The following DPY19L1 variants were observed in gnomAD, a reference collection of about 807,000 sequenced individuals.
The protein encoded by DPY19L1 is dpy-19 like C-mannosyltransferase 1, also known as protein C-mannosyl-transferase DPY19L1.
Under a neutral mutation model 96.9 loss-of-function variants are expected in DPY19L1, and 35 were observed. The observed-to-expected ratio is 0.36, with a 90% CI of 0.28 to 0.48. DPY19L1 has a LOEUF of 0.48. DPY19L1 is among the 20% of genes least tolerant of loss of function. The probability of loss-of-function intolerance (pLI) is 0.99; values close to 1 mark genes in which losing one functional copy is unlikely to be tolerated. For missense variants in DPY19L1, 521 were observed against 777.9 expected, an observed-to-expected ratio of 0.67 and a Z score of 3.93; for synonymous variants, 205 against 252.6, an observed-to-expected ratio of 0.81 and a Z score of 1.79.
chr7:35,035,697 C>G (rs1584268750), intron 1 of DPY19L1, among the ~76,000 whole-genome samples: 1 of 152,294 alleles, frequency 6.6e-6, no homozygotes, highest in East Asian at 1.9e-4. Context: ...CTTAACAGAT[C>G]CTGTGGATCC....
intron 7 of DPY19L1, among the ~76,000 whole-genome samples, chr7:34,988,471 T>G (rs1016226943): frequency 3.3e-5 from 5 of 151,974 alleles, no homozygotes; most frequent in Non-Finnish European, 7.4e-5. Context: ...AATTAACTGA[T>G]GTCATGTTGC....
chr7:35,018,072 T>C, intron 2 of DPY19L1, 103 bp from the exon 3 acceptor site: 3 of 721,974 alleles, frequency 4.2e-6, no homozygotes, highest in Non-Finnish European at 6.4e-6. Flanking sequence ...AACTTGCAGA[T>C]AATTTTGTAA....
intron 1 of DPY19L1, among the ~76,000 whole-genome samples, chr7:35,024,375 A>G (rs1254268357): frequency 6.6e-6 from 1 of 152,152 alleles, no homozygotes; most frequent in Non-Finnish European, 1.5e-5. Context: ...ATCCCTTCCT[A>G]ACATTACTAG....
At chr7:34,975,674 T>C (rs1029105912) in intron 7 of DPY19L1, among the ~76,000 whole-genome samples, 1 of 152,232 alleles carries the variant, frequency 6.6e-6, no homozygotes, top group Non-Finnish European at 1.5e-5. Flanking sequence ...AGTCAGTGGC[T>C]GGCTTCAAAA....
rs1783938512 is a variant in DPY19L1 at position 34,939,181 on chromosome 7, C to G, written c.1964+95G>C. ...TCGATAAGCCTCAGTTCATCATATCCTTTTGAAACATTCCTTATTACTTTG... is the reference window on the plus strand; with the variant it reads ...TCGATAAGCCTCAGTTCATCATATCGTTTTGAAACATTCCTTATTACTTTG... On this transcript the variant is annotated intron_variant, in intron 20 of 21. Coordinates refer to ENST00000638088, the MANE Select transcript of DPY19L1 (RefSeq NM_001366673.1). 4.5e-6 allele frequency: 5 copies of G among 1,108,956 alleles called. No homozygotes were observed. The Admixed American group carries it at 1.1e-4, about 25-fold the overall frequency. The allele number at this position is 1,108,956 out of a possible 1,614,324, so 68.7% of individuals were successfully genotyped here. A position where few individuals can be genotyped will look rare whatever the true frequency, so the allele number is the denominator to read the frequency against.
intron 7 of DPY19L1, among the ~76,000 whole-genome samples, chr7:34,984,119 G>C (rs946505761): frequency 7.9e-5 from 12 of 152,126 alleles, no homozygotes; most frequent in African/African-American, 2.9e-4. Context: ...AAAAATGAAG[G>C]CAAGATAACA....
rs574828047 is a variant in DPY19L1 at position 35,019,589 on chromosome 7, G to A, written c.299-993C>T. Among the ~76,000 whole-genome samples, 4 of 151,934 alleles carry A rather than the reference G, an allele frequency of 2.6e-5. No individual in the cohort carries two copies. The East Asian group carries it at 5.8e-4, about 22-fold the overall frequency. ...AGGAGAAGGAAGAGGAAAGAAGGAA[G>A]AAGAGAGGAGGAAGGAAGAATAAGG... On this transcript the variant is annotated intron_variant, in intron 1 of 21. Transcript: ENST00000638088.
Position 34,954,775 on chromosome 7 carries a change from T to C in DPY19L1, c.1243A>G (p.Ile415Val). The change falls in exon 13 of 22, where the codon ATT (isoleucine) becomes GTT (valine). Residue 415 changes from isoleucine to valine, a missense_variant. Transcript: ENST00000638088. Reference protein sequence around the residue: ...INVSELSLWVIQGCFWLFGTV... With the variant: ...INVSELSLWVVQGCFWLFGTV... ...CCAAATAACCAAAAACATCCTTGAA[T>C]AACCTAAACAAAAGAAAACAAAAAT... The C allele has an allele frequency of 4.5e-6, 7 of 1,540,256 alleles. No homozygotes were observed. The highest frequency in any genetic ancestry group is 6.2e-6 in the Non-Finnish European group (7 of 1,128,760).
At chr7:34,989,815 A>G in intron 7 of DPY19L1, 69 bp downstream of exon 7, 2 of 1,265,108 alleles carry the variant, frequency 1.6e-6, no homozygotes, top group Non-Finnish European at 2.2e-6. Flanking sequence ...GAATGCCATT[A>G]TAGATTAAAT....
intron 13 of DPY19L1, among the ~76,000 whole-genome samples, chr7:34,952,548 T>C (rs932612725): frequency 5.3e-5 from 8 of 152,092 alleles, no homozygotes; most frequent in East Asian, 3.8e-4. Context: ...GGAGATGACA[T>C]TACCCTGAAA....
intron 14 of DPY19L1, among the ~76,000 whole-genome samples, chr7:34,949,187 C>T (rs1192348184): frequency 6.6e-6 from 1 of 152,080 alleles, no homozygotes; most frequent in African/African-American, 2.4e-5. Flanking sequence ...TAAATATTTA[C>T]TTATTTAAAA....
At chr7:34,944,365 C>CAAAAA (rs60937482) in intron 16 of DPY19L1, among the ~76,000 whole-genome samples, 4 of 82,312 alleles carry the variant, frequency 4.9e-5, no homozygotes, top group East Asian at 3.5e-4. Context: ...GGCTCTGTCT[C>CAAAAA]AAAAAAAAAA....
intron 10 of DPY19L1, among the ~76,000 whole-genome samples, chr7:34,961,124 C>T (rs1281766235): frequency 6.6e-6 from 1 of 152,060 alleles, no homozygotes; most frequent in Non-Finnish European, 1.5e-5. Context: ...AATAATGAGC[C>T]TAGCAAGTTA....
chr7:35,023,896 C>G (rs1434851142), intron 1 of DPY19L1, among the ~76,000 whole-genome samples: 1 of 133,314 alleles, frequency 7.5e-6, no homozygotes, highest in Non-Finnish European at 1.5e-5. Context: ...AGTACAGTGG[C>G]TTGATCTCGG....
Position 34,945,701 on chromosome 7 carries a change from A to G in DPY19L1, c.1510T>C (p.Trp504Arg), listed in dbSNP as rs2128783105. The G allele has an allele frequency of 6.2e-7, 1 of 1,601,884 alleles. No homozygotes were observed. The highest frequency in any genetic ancestry group is 2.2e-5 in the East Asian group (1 of 44,636). The change falls in exon 16 of 22, where the codon TGG becomes CGG. Residue 504 changes from tryptophan to arginine, a missense_variant. By Grantham distance (101) the Trp-to-Arg change is moderately radical (BLOSUM62 -3). Coordinates refer to ENST00000638088, the MANE Select transcript of DPY19L1 (RefSeq NM_001366673.1). ...AIVRKIISDMWGVLAKQQTHV... is the reference protein window; with the variant it reads ...AIVRKIISDMRGVLAKQQTHV... ...GTCTGTTGTTTAGCTAAGACACCCC[A>G]CATATCACTAATAATCTGTAAATAG... is the stretch of plus-strand genomic sequence containing the variant.
upstream of DPY19L1, chr7:35,037,818 C>T (rs1326170648): frequency 1.6e-6 from 2 of 1,227,432 alleles, no homozygotes; most frequent in East Asian, 3.2e-5. Flanking sequence ...CTACCCACAC[C>T]TCTTCGGCGC....
intron 1 of DPY19L1, among the ~76,000 whole-genome samples, chr7:35,019,853 T>A (rs1031460883): frequency 5.3e-5 from 8 of 152,214 alleles, no homozygotes. Flanking sequence ...ACCATTTGCT[T>A]CCTTTTAGTT....
chr7:34,945,370 C>T (rs1044718438), intron 16 of DPY19L1, among the ~76,000 whole-genome samples: 2 of 152,162 alleles, frequency 1.3e-5, no homozygotes, highest in Non-Finnish European at 2.9e-5. Flanking sequence ...AAACCACTCA[C>T]GTAATAATTT....
intron 1 of DPY19L1, among the ~76,000 whole-genome samples, chr7:35,035,283 A>G (rs1467300559): frequency 6.6e-6 from 1 of 152,206 alleles, no homozygotes; most frequent in Non-Finnish European, 1.5e-5. Context: ...TTCAATGCTC[A>G]AAGGGGCAAG....
Sources: gnomAD v4.1 joint callset for allele counts (sites outside exome capture counted in the v4.1 genomes callset) on GRCh38, gnomAD v4.1.1 for gene constraint, MANE v1.5 for transcripts, NCBI Gene and HGNC (gene_info 2026-07-23, HGNC 2026-07-21) for gene names.